Variants in FGF13 observed in about 807,000 individuals in gnomAD.
FGF13 encodes fibroblast growth factor 13, also known as fibroblast growth factor homologous factor 2.
Under a neutral mutation model 19.5 loss-of-function variants are expected in FGF13, and 2 were observed. The ratio of observed to expected loss-of-function variants is 0.10; its 90% CI spans 0.04 to 0.32. The LOEUF (loss-of-function observed/expected upper bound fraction) is 0.32, where lower values mean the gene tolerates loss of function less well. FGF13 is among the 10% of genes least tolerant of loss of function. The probability of loss-of-function intolerance (pLI) is 1.00; values close to 1 mark genes in which losing one functional copy is unlikely to be tolerated. For synonymous variants in FGF13, 72 were observed against 76.9 expected, an observed-to-expected ratio of 0.94 and a Z score of 0.33; for missense variants, 113 against 192.7, an observed-to-expected ratio of 0.59 and a Z score of 2.45.
Position 138,869,989 on chromosome X carries a change from G to A in FGF13, c.-112-5339C>T, listed in dbSNP as rs1336271016. Reference sequence around the variant, plus strand: ...TATTTTAGTTTGCTTACTCTTGGCAGCATTACTATTTAAGAAAAAGGCATT... The same window carrying A: ...TATTTTAGTTTGCTTACTCTTGGCAACATTACTATTTAAGAAAAAGGCATT... On this transcript the variant is annotated intron_variant, in intron 1 of 2. Transcript: ENST00000421460. 5.4e-5 allele frequency among the ~76,000 whole-genome samples: 6 copies of A among 112,138 alleles called. No homozygotes were observed. The Admixed American group carries it at 5.7e-4, about 11-fold the overall frequency.
In FGF13 at chrX:138,882,866, C is replaced by A. The variant is rs753911779; in HGVS notation, c.-112-18216G>T. On this transcript the variant is annotated intron_variant, in intron 1 of 2. Coordinates refer to the FGF13 transcript ENST00000421460. ...TTCCCCTTCCCTCCCTCAAGCCTCC[C>A]TCTTCATCCCAGAGGTTTGAAAACC... Among the ~76,000 whole-genome samples the A allele has an allele frequency of 2.7e-5, 3 of 111,400 alleles. No homozygotes were observed. In the South Asian group the frequency reaches 1.2e-3, roughly 43 times the overall value.
chrX:138,920,401 T>C (rs1257919260), intron 1 of FGF13, among the ~76,000 whole-genome samples: 3 of 111,222 alleles, frequency 2.7e-5, no homozygotes, highest in Admixed American at 9.6e-5. Context: ...AATGGAATAA[T>C]GACTGGTATG....
chrX:139,004,920 A>C (rs2092093953), intron 1 of FGF13, among the ~76,000 whole-genome samples: 1 of 111,983 alleles, frequency 8.9e-6, no homozygotes, highest in African/African-American at 3.3e-5. Flanking sequence ...CACCAGGTAG[A>C]CTTCTAGAGT....
chrX:138,802,632 T>A (rs757174299), intron 3 of FGF13, among the ~76,000 whole-genome samples: 1 of 111,856 alleles, frequency 8.9e-6, no homozygotes, highest in African/African-American at 3.3e-5. Flanking sequence ...TTGGCTTCTA[T>A]GACATTGTGC....
chrX:138,721,081 G>C (rs957279531), intron 1 of FGF13, among the ~76,000 whole-genome samples: 1 of 112,029 alleles, frequency 8.9e-6, no homozygotes, highest in East Asian at 2.8e-4. Flanking sequence ...CAACAGCAGA[G>C]GGTGTAGTAG....
At chrX:138,924,496 G>A (rs1453711852) in intron 1 of FGF13, among the ~76,000 whole-genome samples, 2 of 111,879 alleles carry the variant, frequency 1.8e-5, no homozygotes, top group Non-Finnish European at 3.8e-5. Context: ...CAATAATGAA[G>A]GCAGCAAGGA....
chrX:138,651,126 A>G (rs1365084451), intron 3 of FGF13, among the ~76,000 whole-genome samples: 1 of 112,268 alleles, frequency 8.9e-6, no homozygotes, highest in African/African-American at 3.2e-5. Flanking sequence ...GTAAACACTA[A>G]CAGAGTTTCA....
intron 1 of FGF13, among the ~76,000 whole-genome samples, chrX:138,969,067 G>A (rs1301173610): frequency 1.8e-5 from 2 of 111,596 alleles, no homozygotes; most frequent in Non-Finnish European, 3.8e-5. Flanking sequence ...TGGAGGGAGA[G>A]GGGCAAATTA....
At chrX:138,760,940 G>C (rs892593411) in intron 3 of FGF13, among the ~76,000 whole-genome samples, 10 of 111,934 alleles carry the variant, frequency 8.9e-5, no homozygotes, top group African/African-American at 3.2e-4. Flanking sequence ...ATCAAGTAAG[G>C]ACAGGTCAAA....
At chrX:138,962,425 G>A (rs1217712980) in intron 1 of FGF13, among the ~76,000 whole-genome samples, 2 of 112,045 alleles carry the variant, frequency 1.8e-5, no homozygotes, top group Non-Finnish European at 1.9e-5. Flanking sequence ...ACCATTGTGG[G>A]AATCAGTGTG....
At chrX:138,904,010 A>G (rs1456437687) in intron 1 of FGF13, among the ~76,000 whole-genome samples, 1 of 111,640 alleles carries the variant, frequency 9.0e-6, no homozygotes, top group Non-Finnish European at 1.9e-5. Flanking sequence ...TTGATTCTCT[A>G]GGTGAAAGTT....
At chrX:138,994,160 G>C (rs1196454313) in intron 1 of FGF13, among the ~76,000 whole-genome samples, 1 of 111,364 alleles carries the variant, frequency 9.0e-6, no homozygotes, top group African/African-American at 3.3e-5. Context: ...TCATAGTCTG[G>C]AGCCTGAAAG....
chrX:138,774,129 T>A (rs1361976096), intron 3 of FGF13, among the ~76,000 whole-genome samples: 2 of 111,758 alleles, frequency 1.8e-5, no homozygotes, highest in Non-Finnish European at 3.8e-5. Flanking sequence ...GTAAGGGTAT[T>A]CCTACCCATT....
chrX:139,048,017 A>C (rs1245736776), intron 1 of FGF13, among the ~76,000 whole-genome samples: 2 of 109,617 alleles, frequency 1.8e-5, no homozygotes, highest in African/African-American at 6.6e-5. Flanking sequence ...ATATAATTAA[A>C]TCTGTAGAGA....
intron 3 of FGF13, among the ~76,000 whole-genome samples, chrX:138,828,486 C>T (rs1270223808): frequency 9.4e-6 from 1 of 106,913 alleles, no homozygotes; most frequent in Non-Finnish European, 1.9e-5. Flanking sequence ...GGGAGAATGG[C>T]GTGAACCCGG....
At chrX:139,201,524 T>C (rs1235065751) in intron 1 of FGF13, among the ~76,000 whole-genome samples, 1 of 112,329 alleles carries the variant, frequency 8.9e-6, no homozygotes, top group Non-Finnish European at 1.9e-5. Context: ...CAAAATTAAA[T>C]GTGTGTATAT....
At chrX:139,183,783 A>G (rs765101703) in intron 1 of FGF13, among the ~76,000 whole-genome samples, 2 of 111,923 alleles carry the variant, frequency 1.8e-5, no homozygotes, top group African/African-American at 6.5e-5. Flanking sequence ...GACCAACACC[A>G]GGAAATAGGG....
chrX:139,104,067 G>A (rs745914041), intron 1 of FGF13, among the ~76,000 whole-genome samples: 1 of 111,583 alleles, frequency 9.0e-6, no homozygotes, highest in South Asian at 3.8e-4. Context: ...GGTAGTATCT[G>A]CCTCATAGAG....
intron 1 of FGF13, among the ~76,000 whole-genome samples, chrX:138,915,326 A>G (rs2091612580): frequency 1.8e-5 from 2 of 111,894 alleles, no homozygotes; most frequent in African/African-American, 3.2e-5. Flanking sequence ...TAAGACACTT[A>G]TCCTCATTAT....
Sources: gnomAD v4.1 joint callset for allele counts (sites outside exome capture counted in the v4.1 genomes callset) on GRCh38, gnomAD v4.1.1 for gene constraint, MANE v1.5 for transcripts, NCBI Gene and HGNC (gene_info 2026-07-23, HGNC 2026-07-21) for gene names.